ZBED6: variants seen among roughly 807,000 people sequenced by gnomAD.
The protein encoded by ZBED6 is zinc finger BED domain-containing protein 6.
Under a neutral mutation model 58.4 loss-of-function variants are expected in ZBED6, and 40 were observed. The observed-to-expected ratio is 0.68, with a 90% CI of 0.53 to 0.89. ZBED6 has a LOEUF of 0.89. Among genes scored for constraint, ZBED6 ranks in the 40% least tolerant of loss-of-function variants. ZBED6 has a pLI of 0.00. For synonymous variants in ZBED6, 439 were observed against 350.6 expected (o/e 1.25, Z -2.82); for missense variants, 1,057 against 1,003.9 (o/e 1.05, Z -0.71).
exon 1 of ZBED6, chr1:203,799,421 C>A (rs1261597899): frequency 1.4e-6 from 1 of 703,074 alleles, no homozygotes; most frequent in Non-Finnish European, 2.6e-6. Context: ...AAAATGATCA[C>A]CAACTTCCAT....
chr1:203,837,008 TAA>T (rs1342030296), intron 9 of ZBED6, among the ~76,000 whole-genome samples: 1 of 152,150 alleles, frequency 6.6e-6, no homozygotes, highest in Non-Finnish European at 1.5e-5. Context: ...GCTGACCAGT[TAA>T]GATTTTTGGG....
exon 1 of ZBED6, chr1:203,798,438 C>T: frequency 6.5e-7 from 1 of 1,535,734 alleles, no homozygotes; most frequent in Non-Finnish European, 8.7e-7. Context: ...GACTTCAACA[C>T]TTCAACGACA....
At chr1:203,807,051 A>G (rs982993607) in intron 1 of ZBED6, among the ~76,000 whole-genome samples, 3 of 151,218 alleles carry the variant, frequency 2.0e-5, no homozygotes, top group Non-Finnish European at 4.4e-5. Context: ...TATTTATTTT[A>G]TTTCAATTTT....
intron 2 of ZBED6, 31 bp from the exon 3 acceptor site, chr1:203,818,539 T>G: frequency 6.2e-7 from 1 of 1,613,392 alleles, no homozygotes; most frequent in Non-Finnish European, 8.5e-7. Context: ...ATTTCAATGC[T>G]ACAAATAGAG....
At chr1:203,829,986 T>C (rs1032453797) in intron 6 of ZBED6, 90 bp downstream of exon 6, 4 of 1,394,748 alleles carry the variant, frequency 2.9e-6, no homozygotes, top group Admixed American at 3.4e-5. Context: ...CTCTTCTTTT[T>C]CCCATGCTAC....
At chr1:203,833,680 A>C in intron 8 of ZBED6, 111 bp from the exon 9 acceptor site, 2 of 716,986 alleles carry the variant, frequency 2.8e-6, no homozygotes, top group Non-Finnish European at 4.0e-6. Flanking sequence ...TTTTCAAGAG[A>C]CTTTCTGGGT....
exon 1 of ZBED6, chr1:203,802,503 A>G (rs1188724656): frequency 2.0e-5 from 3 of 152,532 alleles, no homozygotes; most frequent in African/African-American, 4.8e-5. Context: ...ATATTTTTAC[A>G]TACAAGTATG....
At chr1:203,806,830 CTT>C (rs373591619) in intron 1 of ZBED6, among the ~76,000 whole-genome samples, 4 of 117,858 alleles carry the variant, frequency 3.4e-5, no homozygotes, top group Non-Finnish European at 6.8e-5. Flanking sequence ...CCTCAGGTTC[CTT>C]TTTTTTTTTT....
chr1:203,818,801 G>T, intron 3 of ZBED6, 112 bp downstream of exon 3: 1 of 1,501,486 alleles, frequency 6.7e-7, no homozygotes, highest in East Asian at 2.4e-5. Flanking sequence ...TGAGTGCAGT[G>T]GCTCATGCCT....
At chr1:203,834,155 C>A in intron 9 of ZBED6, 1 of 889,846 alleles carries the variant, frequency 1.1e-6, no homozygotes, top group Non-Finnish European at 1.4e-6. Flanking sequence ...TTTTTAGAGG[C>A]GAGAAAAATG....
At chr1:203,825,648 C>T (rs1176464335) in intron 3 of ZBED6, among the ~76,000 whole-genome samples, 2 of 152,140 alleles carry the variant, frequency 1.3e-5, no homozygotes, top group East Asian at 3.9e-4. Flanking sequence ...ATTGGTCAGG[C>T]TCCTGACCTC....
intron 1 of ZBED6, among the ~76,000 whole-genome samples, chr1:203,804,815 G>A (rs897687358): frequency 4.6e-5 from 7 of 151,618 alleles, no homozygotes; most frequent in African/African-American, 1.7e-4. Flanking sequence ...TGAGATTACA[G>A]GCGCATGCCA....
chr1:203,799,379 G>T (rs892229711), exon 1 of ZBED6: 5 of 703,348 alleles, frequency 7.1e-6, no homozygotes, highest in Non-Finnish European at 1.3e-5. Flanking sequence ...TTAGTCATTC[G>T]GTCAAGGCCC....
At chr1:203,847,115 T>C (rs1688122263) in intron 11 of ZBED6, 69 bp from the exon 12 acceptor site, 1 of 1,543,372 alleles carries the variant, frequency 6.5e-7, no homozygotes, top group Non-Finnish European at 8.8e-7. Flanking sequence ...GATCCAAGAA[T>C]AGAGAGATCA....
At chr1:203,832,941 G>T (rs1353323838) in intron 8 of ZBED6, among the ~76,000 whole-genome samples, 2 of 152,128 alleles carry the variant, frequency 1.3e-5, no homozygotes, top group Non-Finnish European at 2.9e-5. Context: ...TTAATAATTA[G>T]TACTATTCTA....
intron 6 of ZBED6, 101 bp from the exon 7 acceptor site, chr1:203,830,022 C>T: frequency 1.5e-6 from 2 of 1,314,386 alleles, no homozygotes; most frequent in South Asian, 1.2e-5. Flanking sequence ...TACTTAGTTT[C>T]TGTTGATCAT....
intron 7 of ZBED6, 83 bp downstream of exon 7, chr1:203,830,286 T>C: frequency 9.6e-7 from 1 of 1,042,020 alleles, no homozygotes; most frequent in Non-Finnish European, 1.4e-6. Flanking sequence ...ACAGCCAAAA[T>C]GAGCAAATAG....
At chr1:203,836,386 TCAGTC>T (rs1161284948) in intron 9 of ZBED6, among the ~76,000 whole-genome samples, 2 of 152,180 alleles carry the variant, frequency 1.3e-5, no homozygotes, top group Admixed American at 1.3e-4. Flanking sequence ...CAATGTAACT[TCAGTC>T]AAGTAATCTA....
intron 10 of ZBED6, among the ~76,000 whole-genome samples, chr1:203,840,027 C>T (rs545193778): frequency 4.4e-4 from 66 of 151,414 alleles, no homozygotes; most frequent in African/African-American, 1.4e-3. Flanking sequence ...TGGTCTTGAA[C>T]TCCTGACCTC....
Sources: allele counts gnomAD v4.1 joint callset (sites outside exome capture counted in the v4.1 genomes callset), GRCh38; gene constraint gnomAD v4.1.1; transcripts MANE v1.5; gene names NCBI Gene and HGNC (gene_info 2026-07-23, HGNC 2026-07-21).